Variants in PAX7 observed in about 807,000 individuals in gnomAD.
The protein encoded by PAX7 is paired box 7.
A neutral mutation model predicts 50.7 loss-of-function variants in PAX7; 18 were observed. The ratio of observed to expected loss-of-function variants is 0.36; its 90% CI spans 0.25 to 0.53. The LOEUF (loss-of-function observed/expected upper bound fraction) is 0.53, where lower values mean the gene tolerates loss of function less well. PAX7 is among the 20% of genes least tolerant of loss of function. The pLI is 0.93. For missense variants in PAX7, 644 were observed against 702.9 expected (o/e 0.92, Z 0.95); for synonymous variants, 310 against 290.4 (o/e 1.07, Z -0.69).
intron 4 of PAX7, among the ~76,000 whole-genome samples, chr1:18,663,417 C>T (rs1045451924): frequency 2.6e-5 from 4 of 152,248 alleles, no homozygotes; most frequent in Non-Finnish European, 5.9e-5. Context: ...GAGTCTTGCT[C>T]TGTTACCCAG....
chr1:18,705,397 G>A (rs2089270561), intron 7 of PAX7, among the ~76,000 whole-genome samples: 1 of 152,122 alleles, frequency 6.6e-6, no homozygotes, highest in Non-Finnish European at 1.5e-5. Flanking sequence ...AAACAAATTT[G>A]GGGGAGTGTC....
At chr1:18,688,676 G>A (rs1351969467) in intron 4 of PAX7, among the ~76,000 whole-genome samples, 3 of 152,148 alleles carry the variant, frequency 2.0e-5, no homozygotes, top group South Asian at 2.1e-4. Flanking sequence ...CGAAGCAGGC[G>A]GATCACCTGA....
In PAX7 at chr1:18,745,421, C is replaced by T; in HGVS notation, c.*492C>T. The T allele has an allele frequency of 4.2e-6, 1 of 237,980 alleles. No homozygotes were observed. Among genetic ancestry groups the T allele is most frequent in the Non-Finnish European group, 8.3e-6 (1 of 120,752 alleles). The allele number at this position is 237,980 out of a possible 1,614,324, so 14.7% of individuals were successfully genotyped here. A position where few individuals can be genotyped will look rare whatever the true frequency, so the allele number is the denominator to read the frequency against. On this transcript the variant is annotated 3_prime_UTR_variant, in exon 9 of 9. Transcript: ENST00000420770. ...GGTCTCTGGCTCAGTGTCAGAACCA[C>T]AGCCCTTTCCTCCTCTAGACATTGG...
Position 18,744,912 on chromosome 1 carries a change from A to G in PAX7, c.1501A>G (p.Thr501Ala), listed in dbSNP as rs1931368195. The G allele has an allele frequency of 6.4e-7, 1 of 1,551,418 alleles. No individual in the cohort carries two copies. Among genetic ancestry groups the G allele is most frequent in the Non-Finnish European group, 8.7e-7 (1 of 1,145,978 alleles). ...TGTGCTGGGACTCCTGCCTGTGGAA[A>G]CTGGCCAGGCCTACTAGGGCCCCTG... ...SAVLGLLPVE[T>A]GQAY Residue 501 changes from threonine to alanine, a missense_variant, in exon 9 of 9, where the codon ACT (threonine) becomes GCT (alanine). Thr to Ala is a moderately conservative substitution (Grantham distance 58). Transcript: ENST00000420770.
intron 4 of PAX7, among the ~76,000 whole-genome samples, chr1:18,637,300 A>C (rs1054957758): frequency 1.3e-5 from 2 of 152,106 alleles, no homozygotes; most frequent in Non-Finnish European, 2.9e-5. Context: ...TCCCCTCCTA[A>C]GTCTCTTTGA....
In PAX7 at chr1:18,634,417, TC is replaced by T; in HGVS notation, c.202del (p.Arg68GlyfsTer47). The T allele has an allele frequency of 6.2e-7, 1 of 1,614,202 alleles. No individual in the cohort carries two copies. Among genetic ancestry groups the T allele is most frequent in the Non-Finnish European group, 8.5e-7 (1 of 1,180,050 alleles). ...ATAGTGGAGATGGCCCACCATGGCATCCGGCCCTGTGTCATCTCCCGACAGC... is the reference window on the plus strand; with the variant it reads ...ATAGTGGAGATGGCCCACCATGGCATCGGCCCTGTGTCATCTCCCGACAGC... ...HKIVEMAHHG[I>X]RPCVISRQLR... On this transcript the variant is annotated frameshift_variant, in exon 2 of 9. Coordinates refer to ENST00000420770, the MANE Select transcript of PAX7 (RefSeq NM_001135254.2). LOFTEE classifies it high-confidence loss of function. This position sits in a 1 kb window ranked among gnomAD's most constrained non-coding sequence, Gnocchi z 4.0.
In PAX7 at chr1:18,707,968, A is replaced by G. The variant is rs142328385; in HGVS notation, c.1155+4672A>G. The stretch of plus-strand genomic sequence containing the variant: ...TAGGCAGAGCTGAGTTATATGGGCA[A>G]ATGCTTTTCAGGAGGTTTAGATACC... On this transcript the variant is annotated intron_variant, in intron 7 of 8. Transcript: ENST00000420770. 4.8e-3 allele frequency among the ~76,000 whole-genome samples: 736 copies of G among 152,190 alleles called. 5 individuals carry two copies. The highest frequency in any genetic ancestry group is 0.017 in the African/African-American group (687 of 41,516).
chr1:18,733,208 G>A (rs936088918), intron 7 of PAX7, among the ~76,000 whole-genome samples: 4 of 152,016 alleles, frequency 2.6e-5, no homozygotes, highest in African/African-American at 9.7e-5. Flanking sequence ...CAGACAGAAA[G>A]CAACAAACAC....
chr1:18,729,380 C>A (rs951696832), intron 7 of PAX7, among the ~76,000 whole-genome samples: 2 of 152,174 alleles, frequency 1.3e-5, no homozygotes, highest in East Asian at 3.9e-4. Context: ...AGTCACTCTC[C>A]CTCTTTCAGC....
rs149760562 is a variant in PAX7 at position 18,686,458 on chromosome 1, G to A, written c.587-5296G>A. 8.7e-3 allele frequency among the ~76,000 whole-genome samples: 1,326 copies of A among 152,210 alleles called. 18 individuals are homozygous for A. The highest frequency in any genetic ancestry group is 0.029 in the South Asian group (142 of 4,822). ...AGGCTGCTCCCCTACTGCGTACCCC[G>A]AATCTGGCTGCCGTTTAATGAATGC... is the stretch of plus-strand genomic sequence containing the variant. On this transcript the variant is annotated intron_variant, in intron 4 of 8. Transcript: ENST00000420770.
chr1:18,745,498 C>G lies in PAX7; in HGVS notation c.*569C>G, dbSNP rs1238402335. 4.3e-6 allele frequency: 1 copy of G among 231,756 alleles called. No homozygotes were observed. The highest frequency in any genetic ancestry group is 8.5e-6 in the Non-Finnish European group (1 of 117,394). The allele number at this position is 231,756 out of a possible 1,614,324, so 14.4% of individuals were successfully genotyped here. On this transcript the variant is annotated 3_prime_UTR_variant, in exon 9 of 9. Transcript: ENST00000420770. ...CCTGGGGTCTTCCCAGGGGAGTCAG[C>G]AGGGGGGCAGTCTCACCCCCACCCA...
intron 7 of PAX7, among the ~76,000 whole-genome samples, chr1:18,728,865 C>CAA (rs58456557): frequency 2.3e-4 from 32 of 141,610 alleles, no homozygotes; most frequent in Middle Eastern, 3.6e-3. Flanking sequence ...AACTCCGTCT[C>CAA]AAAAAAAAAA....
intron 4 of PAX7, among the ~76,000 whole-genome samples, chr1:18,687,173 G>A (rs2088989315): frequency 6.6e-6 from 1 of 152,048 alleles, no homozygotes; most frequent in African/African-American, 2.4e-5. Context: ...TTATAGACAT[G>A]AGCCACCACA....
At chr1:18,724,190 G>C (rs1157096689) in intron 7 of PAX7, among the ~76,000 whole-genome samples, 1 of 152,174 alleles carries the variant, frequency 6.6e-6, no homozygotes, top group African/African-American at 2.4e-5. Flanking sequence ...GTCCGGGAGA[G>C]GGCTGGCTGG....
chr1:18,680,533 C>T (rs1041365041), intron 4 of PAX7, among the ~76,000 whole-genome samples: 4 of 152,254 alleles, frequency 2.6e-5, no homozygotes, highest in South Asian at 2.1e-4. Flanking sequence ...ATAACAAGAA[C>T]GAGGCTCAGG....
Position 18,631,467 on chromosome 1 carries a change from G to A in PAX7, c.-137G>A. 2 of 719,684 alleles carry A rather than the reference G, an allele frequency of 2.8e-6. No individual in the cohort carries two copies. The highest frequency in any genetic ancestry group is 1.7e-5 in the South Asian group (1 of 58,734). The allele number at this position is 719,684 out of a possible 1,614,324, so 44.6% of individuals were successfully genotyped here. On this transcript the variant is annotated 5_prime_UTR_variant, in exon 1 of 9. It adds an upstream start codon to the 5' untranslated region. Transcript: ENST00000420770. ...GGGGTGGGGGGTGGGGGTAGGGAGT[G>A]TGTGTGGAGGGGAGGGAGAAGAGGT...
intron 7 of PAX7, among the ~76,000 whole-genome samples, chr1:18,717,847 C>G: frequency 6.6e-6 from 1 of 152,202 alleles, no homozygotes; most frequent in African/African-American, 2.4e-5. Context: ...CACCCACAGA[C>G]AAGCAAGTGA....
At chr1:18,637,892 C>T (rs2088188535) in intron 4 of PAX7, among the ~76,000 whole-genome samples, 1 of 152,238 alleles carries the variant, frequency 6.6e-6, no homozygotes, top group African/African-American at 2.4e-5. Context: ...TGCCGAGGGG[C>T]CACGGGTCTG....
intron 4 of PAX7, among the ~76,000 whole-genome samples, chr1:18,681,735 ATTTTATTTTATTTTAT>A (rs2088904540): frequency 6.2e-5 from 4 of 64,796 alleles, no homozygotes; most frequent in East Asian, 5.6e-4. Flanking sequence ...ATTTTATTTT[ATTTTATTTTATTTTAT>A]TTTTATTTTT....
Sources: allele counts gnomAD v4.1 joint callset (sites outside exome capture counted in the v4.1 genomes callset), GRCh38; gene constraint gnomAD v4.1.1; non-coding constraint Gnocchi (gnomAD v3.1); transcripts MANE v1.5; gene names NCBI Gene and HGNC (gene_info 2026-07-23, HGNC 2026-07-21).